GTPBP6: variants seen among roughly 807,000 people sequenced by gnomAD.
GTPBP6 encodes the protein GTP binding protein 6, also known as putative GTP-binding protein 6.
Under a neutral mutation model 28.9 loss-of-function variants are expected in GTPBP6, and 33 were observed. The ratio of observed to expected loss-of-function variants is 1.14; its 90% CI spans 0.87 to 1.53. The LOEUF (loss-of-function observed/expected upper bound fraction) is 1.53, where lower values mean the gene tolerates loss of function less well. GTPBP6 is among the 40% of genes most tolerant of loss of function. The probability of loss-of-function intolerance (pLI) is 0.00; values close to 1 mark genes in which losing one functional copy is unlikely to be tolerated. For synonymous variants in GTPBP6, 231 were observed against 192.7 expected (o/e 1.20, Z -1.65); for missense variants, 507 against 408.3 (o/e 1.24, Z -2.08).
exon 10 of GTPBP6, chrX:305,120 A>T (rs750286453): frequency 6.2e-7 from 1 of 1,613,408 alleles, no homozygotes; most frequent in African/African-American, 1.3e-5. Flanking sequence ...TGAGTTGCTG[A>T]TGATGACCCT....
At chrX:314,275 G>A (rs765915937) in intron 4 of GTPBP6, 58 bp from the exon 5 acceptor site, 3 of 1,430,390 alleles carry the variant, frequency 2.1e-6, no homozygotes, top group African/African-American at 2.8e-5. Flanking sequence ...TCCCGGCAGA[G>A]GTCGAGGTGA....
intron 2 of GTPBP6, among the ~76,000 whole-genome samples, chrX:315,616 G>T (rs1286508877): frequency 6.1e-5 from 1 of 16,448 alleles, no homozygotes; most frequent in Non-Finnish European, 1.5e-4. Context: ...GACAGACACA[G>T]ACACACAGAC....
chrX:311,871 G>A (rs998016439), intron 6 of GTPBP6: 160 of 572,560 alleles, frequency 2.8e-4, no homozygotes, highest in Admixed American at 3.6e-4. Flanking sequence ...TGGTGTGGAC[G>A]GGTGTGCGTG....
chrX:311,587 G>A (rs2070300891), exon 7 of GTPBP6: 1 of 1,612,290 alleles, frequency 6.2e-7, no homozygotes, highest in Non-Finnish European at 8.5e-7. Context: ...GTGGCTGGAT[G>A]GCGGCATCGC....
chrX:316,453 A>T (rs1346317999), intron 2 of GTPBP6, among the ~76,000 whole-genome samples: 1 of 151,982 alleles, frequency 6.6e-6, no homozygotes, highest in Non-Finnish European at 1.5e-5. Flanking sequence ...AGGGCAGCCG[A>T]CCCCCACCTG....
rs371799465 is a variant in GTPBP6, at chrX:314,125, G to A, written c.757+25C>T. 27 of 1,590,650 alleles carry A rather than the reference G, an allele frequency of 1.7e-5. No individual in the cohort carries two copies. In the Admixed American group the frequency reaches 2.5e-4, roughly 15 times the overall value. On this transcript the variant is annotated intron_variant, in intron 5 of 9. Coordinates refer to ENST00000326153, the Ensembl canonical transcript of GTPBP6. ...ACAACCGCATTCCGAGGACCCTCTG[G>A]GACGCCGCGCCCGGCCCGAGTTACC...
chrX:311,395 GA>G (rs2070292905), intron 7 of GTPBP6, 23 bp downstream of exon 7: 1 of 1,570,096 alleles, frequency 6.4e-7, no homozygotes, highest in Non-Finnish European at 8.7e-7. Context: ...CCGAGCACCC[GA>G]TCCCCGGCCG....
exon 4 of GTPBP6, chrX:314,982 G>T: frequency 2.5e-6 from 1 of 398,700 alleles, no homozygotes; most frequent in Admixed American, 4.4e-5. Context: ...CCGTGAAGCG[G>T]TCAAACACCT....
In GTPBP6 at chrX:307,968, G is replaced by A. The variant is rs770768378; in HGVS notation, c.1126-88C>T. The A allele has an allele frequency of 5.4e-4, 655 of 1,207,544 alleles. 2 individuals are homozygous for A. Among genetic ancestry groups the A allele is most frequent in the Non-Finnish European group, 6.7e-4 (611 of 907,112 alleles). 74.8% of individuals were successfully genotyped at this position (1,207,544 alleles called of 1,614,324 possible). ...ACAGGCCCAGGAGAGGGGCTCACAC[G>A]AGCTCCCAACGACAGGCTGGGCATG... On this transcript the variant is annotated intron_variant, in intron 7 of 9. Transcript: ENST00000326153.
chrX:317,104 C>G lies in GTPBP6; in HGVS notation c.350-53G>C, dbSNP rs1396790779. The G allele has an allele frequency of 1.2e-5, 4 of 339,036 alleles. No homozygotes were observed. In the East Asian group the frequency reaches 1.4e-4, roughly 12 times the overall value. The allele number at this position is 339,036 out of a possible 1,614,324, so 21.0% of individuals were successfully genotyped here. A position where few individuals can be genotyped will look rare whatever the true frequency, so the allele number is the denominator to read the frequency against. On this transcript the variant is annotated intron_variant, in intron 1 of 9. Coordinates refer to ENST00000326153, the Ensembl canonical transcript of GTPBP6. The stretch of plus-strand genomic sequence containing the variant: ...AGACGCTTCTGCCCGGGGCCCCCGT[C>G]CACACCTGCCCGGGGAGGCCTCCTC...
At chrX:313,887 G>C (rs1055790706) in intron 5 of GTPBP6, among the ~76,000 whole-genome samples, 4 of 151,622 alleles carry the variant, frequency 2.6e-5, no homozygotes, top group Admixed American at 2.0e-4. Flanking sequence ...TCCCCAGTTT[G>C]TGGCTACTGA....
At chrX:313,083 C>T (rs1184329773) in intron 5 of GTPBP6, among the ~76,000 whole-genome samples, 159 bp from the exon 6 acceptor site, 2 of 152,230 alleles carry the variant, frequency 1.3e-5, no homozygotes, top group Admixed American at 1.3e-4. Flanking sequence ...ACGTCCTGTT[C>T]CATGAGAAAG....
intron 7 of GTPBP6, among the ~76,000 whole-genome samples, chrX:309,615 C>G (rs1364777092): frequency 6.6e-6 from 1 of 151,848 alleles, no homozygotes; most frequent in African/African-American, 2.4e-5. Context: ...GACACAGACA[C>G]AGAGAAGGCC....
rs1569350103 is a variant in GTPBP6 at position 311,296 on chromosome X, G to GA, written c.1125+122_1125+123insT. 5 of 449,070 alleles carry GA rather than the reference G, an allele frequency of 1.1e-5. No homozygotes were observed. The African/African-American group carries it at 1.2e-4, about 11-fold the overall frequency. The allele number at this position is 449,070 out of a possible 1,614,324, so 27.8% of individuals were successfully genotyped here. ...GCCCCTGGGCTGAGTGGGTGTCCGA[G>GA]GGCCCGGCCCCTGGGCTGAGTGGGT... On this transcript the variant is annotated intron_variant, in intron 7 of 9. Transcript: ENST00000326153.
rs764687426 is a variant in GTPBP6 at position 307,466 on chromosome X, C to T, written c.1321G>A (p.Gly441Ser). 3.1e-6 allele frequency: 5 copies of T among 1,611,530 alleles called. No homozygotes were observed. In the South Asian group the frequency reaches 4.4e-5, roughly 14 times the overall value. ...GCTTTCAGCTCCTGGAGCCCGTGGC[C>T]CCGCAGGGCAGACACGGGCACGACG... is the stretch of plus-strand genomic sequence containing the variant. Residue 441 changes from glycine to serine, a missense_variant, in exon 9 of 10, where the codon GGC becomes AGC. Physicochemically the swap from Gly to Ser is moderately conservative, Grantham distance 56. Transcript: ENST00000326153.
intron 5 of GTPBP6, 104 bp from the exon 6 acceptor site, chrX:313,028 C>G (rs2070347076): frequency 8.1e-6 from 8 of 984,754 alleles, no homozygotes; most frequent in Non-Finnish European, 1.2e-5. Context: ...TGCTCCCGCT[C>G]CAGCATCTGG....
At chrX:311,489 C>G in exon 7 of GTPBP6, 1 of 1,612,264 alleles carries the variant, frequency 6.2e-7, no homozygotes, top group Non-Finnish European at 8.5e-7. Context: ...GGAGAGGAAG[C>G]CGATGGTGTC....
At chrX:318,746 G>A (rs1376984488) in exon 1 of GTPBP6, 2 of 329,602 alleles carry the variant, frequency 6.1e-6, no homozygotes, top group Non-Finnish European at 5.5e-6. Context: ...CCACGCGGGA[G>A]AGCCGCAGCC....
chrX:318,017 T>G (rs1325890460), intron 1 of GTPBP6, among the ~76,000 whole-genome samples: 1 of 105,844 alleles, frequency 9.4e-6, no homozygotes, highest in Non-Finnish European at 1.9e-5. Context: ...CCCTGGCATC[T>G]CCAACCATCA....
Sources: allele counts gnomAD v4.1 joint callset (sites outside exome capture counted in the v4.1 genomes callset), GRCh38; gene constraint gnomAD v4.1.1; transcripts MANE v1.5; gene names NCBI Gene and HGNC (gene_info 2026-07-23, HGNC 2026-07-21).